The following SNTG1 variants were observed in gnomAD, a reference collection of about 807,000 sequenced individuals.
SNTG1 encodes syntrophin gamma 1, also known as gamma-1-syntrophin.
SNTG1 carries 39 observed loss-of-function variants against 74.7 expected under a neutral mutation model. That is an observed-to-expected ratio of 0.52 (90% CI 0.40 to 0.68). The LOEUF (loss-of-function observed/expected upper bound fraction) is 0.68, where lower values mean the gene tolerates loss of function less well. SNTG1 is among the 30% of genes least tolerant of loss of function. SNTG1 has a pLI of 0.00. For synonymous variants in SNTG1, 254 were observed against 217.1 expected, an observed-to-expected ratio of 1.17 and a Z score of -1.49; for missense variants, 685 against 609.5, an observed-to-expected ratio of 1.12 and a Z score of -1.30.
chr8:50,479,756 G>C (rs933150294), intron 8 of SNTG1, among the ~76,000 whole-genome samples: 1 of 151,868 alleles, frequency 6.6e-6, no homozygotes, highest in African/African-American at 2.4e-5. Flanking sequence ...GGTTTCTACC[G>C]TTTCATGTTG....
intron 1 of SNTG1, among the ~76,000 whole-genome samples, chr8:50,151,597 C>G (rs2082072471): frequency 6.6e-6 from 1 of 152,172 alleles, no homozygotes; most frequent in South Asian, 2.1e-4. Context: ...CCCAGAGATT[C>G]TGGTATGTTT....
intron 18 of SNTG1, among the ~76,000 whole-genome samples, chr8:50,775,246 A>AT (rs1325809068): frequency 6.6e-6 from 1 of 151,612 alleles, no homozygotes; most frequent in Non-Finnish European, 1.5e-5. Flanking sequence ...AAATTTTTAA[A>AT]TTGAAAGGTA....
chr8:49,961,179 T>A (rs1810649520), intron 1 of SNTG1, among the ~76,000 whole-genome samples: 1 of 152,198 alleles, frequency 6.6e-6, no homozygotes, highest in Non-Finnish European at 1.5e-5. Flanking sequence ...CTGGACTATT[T>A]TTATCCCCCC....
chr8:50,433,615 T>C (rs1254735343), intron 4 of SNTG1, among the ~76,000 whole-genome samples: 1 of 152,202 alleles, frequency 6.6e-6, no homozygotes, highest in Non-Finnish European at 1.5e-5. Flanking sequence ...TTTTACATTT[T>C]GATTTTCTCA....
chr8:50,540,603 C>A (rs1017662901), intron 11 of SNTG1, among the ~76,000 whole-genome samples: 1 of 152,046 alleles, frequency 6.6e-6, no homozygotes, highest in African/African-American at 2.4e-5. Flanking sequence ...AAGTGTCCCA[C>A]TATGATGGTA....
chr8:50,191,512 T>C (rs2083576474), intron 2 of SNTG1, among the ~76,000 whole-genome samples: 2 of 152,272 alleles, frequency 1.3e-5, no homozygotes, highest in South Asian at 2.1e-4. Flanking sequence ...CTGTAATTTA[T>C]GTTGAGAAAC....
At chr8:50,410,382 T>C (rs112094311) in intron 4 of SNTG1, among the ~76,000 whole-genome samples, 1 of 152,168 alleles carries the variant, frequency 6.6e-6, no homozygotes, top group Non-Finnish European at 1.5e-5. Context: ...ACGTTGTCTA[T>C]ATTTTTTAAA....
intron 18 of SNTG1, among the ~76,000 whole-genome samples, chr8:50,763,759 C>T (rs1469590139): frequency 2.1e-5 from 3 of 142,190 alleles, no homozygotes; most frequent in South Asian, 2.2e-4. Context: ...GTTGTTAAAA[C>T]GTCTATATTA....
chr8:50,079,993 C>A (rs187766031), intron 1 of SNTG1, among the ~76,000 whole-genome samples: 2 of 152,250 alleles, frequency 1.3e-5, no homozygotes, highest in South Asian at 2.1e-4. Flanking sequence ...ATACCTCCAA[C>A]TTTGTTCTTT....
chr8:50,416,449 TCTTA>T (rs139623916), intron 4 of SNTG1, among the ~76,000 whole-genome samples: 7,104 of 152,204 alleles, frequency 0.047, 214 homozygotes, highest in Middle Eastern at 0.095. Flanking sequence ...TTTAAGGCCT[TCTTA>T]CTTAAGAGCA....
intron 18 of SNTG1, among the ~76,000 whole-genome samples, chr8:50,771,766 G>A (rs539518242): frequency 3.9e-5 from 6 of 152,130 alleles, no homozygotes; most frequent in South Asian, 4.2e-4. Flanking sequence ...TGGGGGACAG[G>A]CCTAGGCTGT....
At chr8:50,142,517 A>C (rs1414636757) in intron 1 of SNTG1, among the ~76,000 whole-genome samples, 1 of 151,564 alleles carries the variant, frequency 6.6e-6, no homozygotes, top group Non-Finnish European at 1.5e-5. Flanking sequence ...TGAATCAAGC[A>C]GTTGGTTAAG....
At chr8:50,527,986 AT>A (rs1480227114) in intron 9 of SNTG1, among the ~76,000 whole-genome samples, 1 of 151,948 alleles carries the variant, frequency 6.6e-6, no homozygotes, top group Non-Finnish European at 1.5e-5. Context: ...ATAAAATATA[AT>A]TTAATTTTAT....
intron 2 of SNTG1, among the ~76,000 whole-genome samples, chr8:50,318,483 T>A (rs2090398537): frequency 6.6e-6 from 1 of 152,166 alleles, no homozygotes; most frequent in African/African-American, 2.4e-5. Context: ...AATGCCTGAT[T>A]CATTGCCCTC....
intron 2 of SNTG1, among the ~76,000 whole-genome samples, chr8:50,206,260 G>A (rs1200297070): frequency 6.6e-6 from 1 of 152,098 alleles, no homozygotes; most frequent in Non-Finnish European, 1.5e-5. Context: ...GTGTTTTGTA[G>A]TTCTCCTTGA....
intron 4 of SNTG1, among the ~76,000 whole-genome samples, chr8:50,437,568 G>T (rs1055068875): frequency 6.6e-6 from 1 of 152,116 alleles, no homozygotes; most frequent in East Asian, 1.9e-4. Flanking sequence ...AAGAAAGAGG[G>T]CAGTATTTAC....
At chr8:50,737,687 A>T (rs1453812104) in intron 17 of SNTG1, among the ~76,000 whole-genome samples, 1 of 152,192 alleles carries the variant, frequency 6.6e-6, no homozygotes, top group Non-Finnish European at 1.5e-5. Context: ...GAAATCCAGC[A>T]GCACATCAAA....
intron 2 of SNTG1, among the ~76,000 whole-genome samples, chr8:50,349,326 A>T (rs2091575840): frequency 1.3e-5 from 2 of 152,204 alleles, no homozygotes; most frequent in African/African-American, 2.4e-5. Flanking sequence ...TCCATAGTCT[A>T]GTAGGACAAA....
Position 50,295,462 on chromosome 8 carries a change from C to T in SNTG1, c.-27-98750C>T, listed in dbSNP as rs191917798. Among the ~76,000 whole-genome samples, 350 of 152,098 alleles carry T rather than the reference C, an allele frequency of 2.3e-3. 2 individuals carry two copies. Among genetic ancestry groups the T allele is most frequent in the African/African-American group, 7.9e-3 (328 of 41,500 alleles). On this transcript the variant is annotated intron_variant, in intron 2 of 18. Transcript: ENST00000642720. ...ATAGGTAAATTATTTCTTTGAAATA[C>T]GATTTTTTATCCAAACAGAGCAGTG...
Sources: allele counts gnomAD v4.1 joint callset (sites outside exome capture counted in the v4.1 genomes callset), GRCh38; gene constraint gnomAD v4.1.1; transcripts MANE v1.5; gene names NCBI Gene and HGNC (gene_info 2026-07-23, HGNC 2026-07-21).